Variants in SH3D21 observed in about 807,000 individuals in gnomAD.
SH3D21 encodes manchette microtubule inner protein 1, also known as SH3 domain-containing protein 21.
In SH3D21, 83 loss-of-function variants were observed where a neutral mutation model predicts 82.1. The observed-to-expected ratio is 1.01, with a 90% CI of 0.85 to 1.21. SH3D21 has a LOEUF of 1.21. SH3D21 is among the 50% of genes most tolerant of loss of function. The pLI, the probability that SH3D21 is intolerant of heterozygous loss-of-function variation, is 0.00. For missense variants in SH3D21, 980 were observed against 962.1 expected, an observed-to-expected ratio of 1.02 and a Z score of -0.25; for synonymous variants, 383 against 387.8, an observed-to-expected ratio of 0.99 and a Z score of 0.15.
At chr1:36,315,179 G>A (rs1444384031) in intron 10 of SH3D21, among the ~76,000 whole-genome samples, 4 of 151,864 alleles carry the variant, frequency 2.6e-5, no homozygotes, top group African/African-American at 9.7e-5. Context: ...GGGAGGCTGA[G>A]GCACAAGAAT....
intron 13 of SH3D21, 67 bp downstream of exon 13, chr1:36,319,603 A>C: frequency 6.4e-7 from 1 of 1,550,438 alleles, no homozygotes; most frequent in Non-Finnish European, 8.7e-7. Flanking sequence ...TGTGGTGTGC[A>C]CGGGTGAAGT....
At chr1:36,326,985 G>C (rs1289244048), downstream of SH3D21, among the ~76,000 whole-genome samples, 2 of 152,158 alleles carry the variant, frequency 1.3e-5, no homozygotes, top group Admixed American at 1.3e-4. Flanking sequence ...TGATATTTGA[G>C]AGTCCTTACC....
At chr1:36,321,460 C>T (rs575848054), downstream of SH3D21, 37 of 1,046,188 alleles carry the variant, frequency 3.5e-5, 1 homozygote, top group South Asian at 5.4e-4. This position sits in a 1 kb window ranked among gnomAD's most constrained non-coding sequence, Gnocchi z 6.1. Flanking sequence ...GGGGCCCAGG[C>T]GGGGTCGGGC....
downstream of SH3D21, among the ~76,000 whole-genome samples, chr1:36,325,658 C>T (rs1195512440): frequency 6.6e-6 from 1 of 152,170 alleles, no homozygotes; most frequent in Non-Finnish European, 1.5e-5. Flanking sequence ...CATTCTCCTG[C>T]CTCAGCTTCC....
intron 10 of SH3D21, among the ~76,000 whole-genome samples, chr1:36,311,690 G>A (rs1359712151): frequency 6.6e-6 from 1 of 151,764 alleles, no homozygotes; most frequent in Non-Finnish European, 1.5e-5. Flanking sequence ...TATACAATTT[G>A]GGGGGTTTCT....
chr1:36,314,608 A>C (rs1646307712), intron 10 of SH3D21, among the ~76,000 whole-genome samples: 1 of 151,672 alleles, frequency 6.6e-6, no homozygotes, highest in Non-Finnish European at 1.5e-5. Flanking sequence ...GGCGTGCGCC[A>C]CCACACCCGG....
chr1:36,310,273 A>G (rs575354193), intron 10 of SH3D21, among the ~76,000 whole-genome samples: 13 of 152,276 alleles, frequency 8.5e-5, no homozygotes, highest in Admixed American at 3.3e-4. Context: ...TTTTAATGTA[A>G]TATTTGATAC....
Position 36,308,723 on chromosome 1 carries a change from C to G in SH3D21, c.726+248C>G, listed in dbSNP as rs561446780. 3.9e-5 allele frequency among the ~76,000 whole-genome samples: 6 copies of G among 152,296 alleles called. No homozygotes were observed. In the South Asian group the frequency reaches 1.2e-3, roughly 32 times the overall value. Reference sequence around the variant, plus strand: ...TAGCTGCCGGGTACGGTGGCTCACGCCTGTAATCCCAGCACTTTTGGGAGG... The same window carrying G: ...TAGCTGCCGGGTACGGTGGCTCACGGCTGTAATCCCAGCACTTTTGGGAGG... On this transcript the variant is annotated intron_variant, in intron 9 of 15. Transcript: ENST00000453908.
In SH3D21 at chr1:36,307,969, C is replaced by G; in HGVS notation, c.538+6C>G. On this transcript the variant is annotated splice_donor_region_variant and intron_variant, in intron 7 of 15. Coordinates refer to ENST00000453908, the MANE Select transcript of SH3D21 (RefSeq NM_001162530.2). The surrounding 1 kb of genome is among the most constrained non-coding windows in gnomAD (Gnocchi z 5.4). ...TCCAGACTACCTGCAGACAGGTGAGCACCCATCCAAAGGGTCCCCCACTCC... is the reference window on the plus strand; with the variant it reads ...TCCAGACTACCTGCAGACAGGTGAGGACCCATCCAAAGGGTCCCCCACTCC... 6.4e-7 allele frequency: 1 copy of G among 1,551,646 alleles called. No homozygotes were observed. Among genetic ancestry groups the G allele is most frequent in the Non-Finnish European group, 8.7e-7 (1 of 1,146,992 alleles).
chr1:36,306,546 T>C lies in SH3D21; in HGVS notation c.5-52T>C, dbSNP rs1646123727. 5.4e-6 allele frequency: 7 copies of C among 1,302,792 alleles called. No individual in the cohort carries two copies. The highest frequency in any genetic ancestry group is 7.1e-6 in the Non-Finnish European group (7 of 988,224). The allele number at this position is 1,302,792 out of a possible 1,614,324, so 80.7% of individuals were successfully genotyped here. On this transcript the variant is annotated intron_variant, in intron 1 of 15. Coordinates refer to ENST00000453908, the MANE Select transcript of SH3D21 (RefSeq NM_001162530.2). This position sits in a 1 kb window ranked among gnomAD's most constrained non-coding sequence, Gnocchi z 4.5. ...GGGGACACGCCCGCCCTAGCCAGGC[T>C]GCCCGGCTGGGCCTTTCTGAGCCGC...
chr1:36,308,262 T>G (rs1048427735), intron 8 of SH3D21, 53 bp downstream of exon 8: 1 of 1,474,028 alleles, frequency 6.8e-7, no homozygotes, highest in African/African-American at 1.4e-5. Flanking sequence ...TGAGAAAGGG[T>G]AGACCTGCAC....
Sources: allele counts gnomAD v4.1 joint callset (sites outside exome capture counted in the v4.1 genomes callset), GRCh38; gene constraint gnomAD v4.1.1; non-coding constraint Gnocchi (gnomAD v3.1); transcripts MANE v1.5; gene names NCBI Gene and HGNC (gene_info 2026-07-23, HGNC 2026-07-21).